The following METTL8 variants were observed in gnomAD, a reference collection of about 807,000 sequenced individuals.
The protein encoded by METTL8 is tRNA N(3)-cytidine methyltransferase METTL8, mitochondrial.
A neutral mutation model predicts 48.7 loss-of-function variants in METTL8; 32 were observed. The ratio of observed to expected loss-of-function variants is 0.66; its 90% CI spans 0.50 to 0.88. METTL8 has a LOEUF of 0.88. Ranked by LOEUF, METTL8 falls within the 40% of genes least tolerant of loss-of-function variation. The pLI is 0.00. For missense variants in METTL8, 464 were observed against 474.4 expected, an observed-to-expected ratio of 0.98 and a Z score of 0.20; for synonymous variants, 136 against 157.1, an observed-to-expected ratio of 0.87 and a Z score of 1.01.
chr2:171,393,996 G>A (rs1355990488), intron 1 of METTL8, among the ~76,000 whole-genome samples: 1 of 152,166 alleles, frequency 6.6e-6, no homozygotes, highest in African/African-American at 2.4e-5. Flanking sequence ...TCAACAGCAA[G>A]TGCAGATGCT....
rs112316168 is a variant in METTL8, at chr2:171,421,384, C to A, written c.-13+12499G>T. On this transcript the variant is annotated intron_variant, in intron 1 of 9. Transcript: ENST00000375258. The stretch of plus-strand genomic sequence containing the variant: ...AGCCTAGGAGTTTGAGGCTTTAATG[C>A]ACGATGATCACACATGTGAATAGCC... Among the ~76,000 whole-genome samples the A allele has an allele frequency of 1.6e-4, 25 of 152,112 alleles. 1 individual carries two copies. The highest frequency in any genetic ancestry group is 6.0e-4 in the African/African-American group (25 of 41,456).
At chr2:171,329,128 G>A (rs111852325) in intron 7 of METTL8, among the ~76,000 whole-genome samples, 9,682 of 151,912 alleles carry the variant, frequency 0.064, 560 homozygotes, top group African/African-American at 0.15. Flanking sequence ...TGGGATTATA[G>A]GCGCCCACCA....
chr2:171,419,256 C>A (rs2105649713), intron 1 of METTL8, among the ~76,000 whole-genome samples: 1 of 152,214 alleles, frequency 6.6e-6, no homozygotes, highest in East Asian at 1.9e-4. Context: ...TCAGTCCTCT[C>A]AAGGGACAAA....
intron 1 of METTL8, among the ~76,000 whole-genome samples, chr2:171,396,937 C>A (rs1408105247): frequency 6.6e-6 from 1 of 150,528 alleles, no homozygotes; most frequent in Non-Finnish European, 1.5e-5. Flanking sequence ...CATAGGCCTG[C>A]TTTGGCCTCC....
chr2:171,408,993 C>G (rs905051421), intron 1 of METTL8, among the ~76,000 whole-genome samples: 2 of 152,182 alleles, frequency 1.3e-5, no homozygotes, highest in African/African-American at 4.8e-5. Flanking sequence ...CAGGATCAAG[C>G]CTTCCACTAA....
Position 171,317,673 on chromosome 2 carries a change from TTGTG to T in METTL8, c.*6495_*6498del, listed in dbSNP as rs1684326407. On this transcript the variant is annotated 3_prime_UTR_variant, in exon 10 of 10. Coordinates refer to ENST00000375258, the MANE Select transcript of METTL8 (RefSeq NM_001321154.2). ...CTGTTCCTTACTTAAGGTTAAGTGGTTGTGAAACCACAGACACTGTAGAATCAGA... is the reference window on the plus strand; with the variant it reads ...CTGTTCCTTACTTAAGGTTAAGTGGTAAACCACAGACACTGTAGAATCAGA... The T allele has an allele frequency of 1.3e-5, 2 of 152,236 alleles. No individual in the cohort carries two copies. Among genetic ancestry groups the T allele is most frequent in the African/African-American group, 2.4e-5 (1 of 41,472 alleles). The allele number at this position is 152,236 out of a possible 1,614,324, so 9.4% of individuals were successfully genotyped here. A position where few individuals can be genotyped will look rare whatever the true frequency, so the allele number is the denominator to read the frequency against.
At chr2:171,423,870 T>C (rs1251429679) in intron 1 of METTL8, among the ~76,000 whole-genome samples, 1 of 151,792 alleles carries the variant, frequency 6.6e-6, no homozygotes, top group Non-Finnish European at 1.5e-5. Context: ...ACCAAGACAA[T>C]GGGGAAAATG....
At chr2:171,431,683 C>G (rs1693038044) in intron 1 of METTL8, among the ~76,000 whole-genome samples, 1 of 152,222 alleles carries the variant, frequency 6.6e-6, no homozygotes, top group African/African-American at 2.4e-5. Context: ...CTCTGCCCCA[C>G]CAGCAGCGCC....
intron 3 of METTL8, among the ~76,000 whole-genome samples, chr2:171,341,693 C>T (rs1297566004): frequency 1.3e-5 from 2 of 152,072 alleles, no homozygotes; most frequent in African/African-American, 2.4e-5. Context: ...AGTGCAAAAG[C>T]TTTCTTTCTA....
chr2:171,415,155 T>C, intron 1 of METTL8, among the ~76,000 whole-genome samples: 1 of 151,954 alleles, frequency 6.6e-6, no homozygotes, highest in East Asian at 1.9e-4. Flanking sequence ...AAGATGTCCA[T>C]GATTTATTAG....
chr2:171,378,556 C>T (rs7580497), intron 2 of METTL8, among the ~76,000 whole-genome samples: 14,149 of 151,966 alleles, frequency 0.093, 1,038 homozygotes, highest in African/African-American at 0.2. Flanking sequence ...TGCTTGAACC[C>T]GGGAGGTGGA....
At chr2:171,429,417 A>C (rs900971868) in intron 1 of METTL8, among the ~76,000 whole-genome samples, 5 of 152,232 alleles carry the variant, frequency 3.3e-5, no homozygotes, top group Non-Finnish European at 7.3e-5. Flanking sequence ...ATCTCTCAAC[A>C]CAAGGGCAAT....
chr2:171,382,430 C>T (rs1041750290), intron 2 of METTL8, among the ~76,000 whole-genome samples: 4 of 152,170 alleles, frequency 2.6e-5, no homozygotes, highest in Non-Finnish European at 4.4e-5. Flanking sequence ...TGGAAGCCAT[C>T]ATCCTCAGCA....
chr2:171,336,562 T>C (rs376630358), intron 5 of METTL8, among the ~76,000 whole-genome samples: 3 of 151,732 alleles, frequency 2.0e-5, no homozygotes, highest in African/African-American at 7.2e-5. Context: ...CCACCACGCC[T>C]GGCTAATTTT....
rs556683692 is a variant in METTL8, at chr2:171,324,071, T to G, written c.*101A>C. On this transcript the variant is annotated 3_prime_UTR_variant, in exon 10 of 10. Coordinates refer to ENST00000375258, the MANE Select transcript of METTL8 (RefSeq NM_001321154.2). ...ATGACAAAACGGCAGGAAATACAAA[T>G]TCTCTTCTTTTTTTCTCATTGTCTT... 2.4e-4 allele frequency: 231 copies of G among 977,412 alleles called. 2 individuals carry two copies. In the South Asian group the frequency reaches 4.1e-3, roughly 17 times the overall value. The allele number at this position is 977,412 out of a possible 1,614,324, so 60.5% of individuals were successfully genotyped here. A position where few individuals can be genotyped will look rare whatever the true frequency, so the allele number is the denominator to read the frequency against.
chr2:171,370,424 C>A (rs1032736093), intron 2 of METTL8, among the ~76,000 whole-genome samples: 16 of 152,096 alleles, frequency 1.1e-4, no homozygotes, highest in South Asian at 6.2e-4. Context: ...ATAGGTTAGC[C>A]CTGATGTATG....
At chr2:171,359,141 T>C (rs538449069) in intron 3 of METTL8, among the ~76,000 whole-genome samples, 1 of 144,088 alleles carries the variant, frequency 6.9e-6, no homozygotes, top group African/African-American at 2.6e-5. Context: ...ATCTCATCAC[T>C]ATACTCCAGA....
intron 7 of METTL8, among the ~76,000 whole-genome samples, chr2:171,327,397 G>A (rs191354523): frequency 4.6e-5 from 7 of 152,332 alleles, no homozygotes; most frequent in Admixed American, 2.6e-4. Context: ...GCGAGTTACC[G>A]AGTACAAAAT....
chr2:171,413,240 T>G (rs1030517546), intron 1 of METTL8, among the ~76,000 whole-genome samples: 4 of 152,230 alleles, frequency 2.6e-5, no homozygotes, highest in African/African-American at 9.6e-5. Flanking sequence ...GGTGTAGTAG[T>G]AAAGTAGAAT....
Sources: allele counts gnomAD v4.1 joint callset (sites outside exome capture counted in the v4.1 genomes callset), GRCh38; gene constraint gnomAD v4.1.1; transcripts MANE v1.5; gene names NCBI Gene and HGNC (gene_info 2026-07-23, HGNC 2026-07-21).